The following RSRC1 variants were observed in gnomAD, a reference collection of about 807,000 sequenced individuals.
RSRC1 encodes the protein serine/Arginine-related protein 53.
In RSRC1, 39 loss-of-function variants were observed where a neutral mutation model predicts 49.1. The ratio of observed to expected loss-of-function variants is 0.79; its 90% CI spans 0.61 to 1.04. The LOEUF is 1.04. Ranked by LOEUF, RSRC1 falls within the 50% of genes least tolerant of loss-of-function variation. RSRC1 has a pLI of 0.00. For synonymous variants in RSRC1, 143 were observed against 130.8 expected, an observed-to-expected ratio of 1.09 and a Z score of -0.63; for missense variants, 388 against 402.4, an observed-to-expected ratio of 0.96 and a Z score of 0.31.
intron 4 of RSRC1, among the ~76,000 whole-genome samples, chr3:158,274,965 C>T (rs1725723938): frequency 6.6e-6 from 1 of 152,132 alleles, no homozygotes; most frequent in Admixed American, 6.5e-5. Flanking sequence ...AACTACTCCC[C>T]ACCCCCCAGC....
At chr3:158,236,790 G>T (rs1047225253) in intron 4 of RSRC1, among the ~76,000 whole-genome samples, 1 of 152,144 alleles carries the variant, frequency 6.6e-6, no homozygotes, top group Non-Finnish European at 1.5e-5. Context: ...AGACTGGGTG[G>T]TCTTGCATAT....
rs538024240 is a variant in RSRC1, at chr3:158,263,917, G to A, written c.495-34122G>A. Among the ~76,000 whole-genome samples the A allele has an allele frequency of 7.2e-5, 11 of 152,150 alleles. No homozygotes were observed. The South Asian group carries it at 2.3e-3, about 32-fold the overall frequency. On this transcript the variant is annotated intron_variant, in intron 4 of 9. Transcript: ENST00000611884. ...TTATTTCTTATATTAGTAATTTGTT[G>A]TTACTGCTTTTTTCTCATTAGTTTG...
chr3:158,321,223 A>C (rs7617666), intron 5 of RSRC1, among the ~76,000 whole-genome samples: 44,526 of 150,714 alleles, frequency 0.3, 7,013 homozygotes, highest in South Asian at 0.41. Flanking sequence ...TTATTTCTCT[A>C]TGCATGTTTT....
At chr3:158,276,753 C>T (rs965550261) in intron 4 of RSRC1, among the ~76,000 whole-genome samples, 4 of 152,074 alleles carry the variant, frequency 2.6e-5, no homozygotes, top group Admixed American at 6.6e-5. Context: ...TTAGATTTAG[C>T]TCTCCTTGTA....
At chr3:158,467,560 A>G (rs1737945850) in intron 7 of RSRC1, among the ~76,000 whole-genome samples, 1 of 152,180 alleles carries the variant, frequency 6.6e-6, no homozygotes. Context: ...TCACCATAGT[A>G]TGCACCTTTA....
chr3:158,231,276 C>T (rs1722934737), intron 4 of RSRC1, among the ~76,000 whole-genome samples: 1 of 149,618 alleles, frequency 6.7e-6, no homozygotes. Context: ...GCTGGGATTA[C>T]AGGTGCGTGC....
chr3:158,208,470 C>T (rs1364629705), intron 4 of RSRC1, among the ~76,000 whole-genome samples: 1 of 152,058 alleles, frequency 6.6e-6, no homozygotes, highest in Admixed American at 6.6e-5. Flanking sequence ...CTCCAGTGAT[C>T]CTCCCACCTT....
At chr3:158,311,386 A>G (rs534617009) in intron 5 of RSRC1, among the ~76,000 whole-genome samples, 2 of 152,096 alleles carry the variant, frequency 1.3e-5, no homozygotes, top group Non-Finnish European at 2.9e-5. Flanking sequence ...ATAAATATTT[A>G]TTATGAATAG....
chr3:158,495,627 G>T (rs1403322802), intron 7 of RSRC1, among the ~76,000 whole-genome samples: 1 of 152,138 alleles, frequency 6.6e-6, no homozygotes, highest in Non-Finnish European at 1.5e-5. Flanking sequence ...TTCTGATTAT[G>T]CACACACTGC....
chr3:158,219,293 T>G (rs1049741797), intron 4 of RSRC1, among the ~76,000 whole-genome samples: 2 of 151,600 alleles, frequency 1.3e-5, no homozygotes, highest in Non-Finnish European at 3.0e-5. Context: ...TTTTTTCTTT[T>G]GTTTTCTTTC....
intron 4 of RSRC1, among the ~76,000 whole-genome samples, chr3:158,265,322 C>T (rs779175114): frequency 1.3e-5 from 2 of 152,154 alleles, no homozygotes; most frequent in Non-Finnish European, 2.9e-5. Context: ...TGAACCAAAT[C>T]TTTTGCCCAT....
At chr3:158,117,810 T>TA (rs1356313967) in intron 1 of RSRC1, among the ~76,000 whole-genome samples, 1 of 152,186 alleles carries the variant, frequency 6.6e-6, no homozygotes, top group Admixed American at 6.5e-5. Flanking sequence ...CTTTTTTTTT[T>TA]ATAGAATGCG....
chr3:158,477,296 T>C (rs1738409065), intron 7 of RSRC1, among the ~76,000 whole-genome samples: 1 of 152,124 alleles, frequency 6.6e-6, no homozygotes, highest in Non-Finnish European at 1.5e-5. Context: ...AGTTCTACAA[T>C]AAATAAAATG....
At chr3:158,524,591 A>G (rs1297993385) in intron 7 of RSRC1, among the ~76,000 whole-genome samples, 5 of 152,068 alleles carry the variant, frequency 3.3e-5, no homozygotes, top group African/African-American at 9.7e-5. Flanking sequence ...GATCCTGTTC[A>G]GACATGTTAT....
At chr3:158,168,561 T>A (rs1481879585) in intron 3 of RSRC1, among the ~76,000 whole-genome samples, 3 of 152,218 alleles carry the variant, frequency 2.0e-5, no homozygotes, top group Admixed American at 1.3e-4. Context: ...ATAGATTTTT[T>A]AAAAAACACT....
intron 6 of RSRC1, among the ~76,000 whole-genome samples, chr3:158,443,312 CTG>C (rs1256016707): frequency 1.3e-5 from 2 of 152,156 alleles, no homozygotes; most frequent in African/African-American, 4.8e-5. Flanking sequence ...CATTGAAAAT[CTG>C]TCATTTAGCG....
intron 3 of RSRC1, among the ~76,000 whole-genome samples, chr3:158,192,199 T>C: frequency 6.6e-6 from 1 of 152,184 alleles, no homozygotes; most frequent in East Asian, 1.9e-4. Context: ...TAGCTTATTC[T>C]GTGCATACTG....
chr3:158,299,787 G>A (rs1281764996), intron 5 of RSRC1, among the ~76,000 whole-genome samples: 1 of 114,960 alleles, frequency 8.7e-6, no homozygotes, highest in Non-Finnish European at 1.8e-5. Flanking sequence ...CATTTTCAGT[G>A]ACTATTTCAC....
intron 3 of RSRC1, among the ~76,000 whole-genome samples, chr3:158,130,420 T>A (rs9290021): frequency 0.68 from 103,752 of 152,102 alleles, 35,713 homozygotes; most frequent in East Asian, 0.83. Flanking sequence ...TTATTTTCCA[T>A]TTATTTGTTG....
Sources: allele counts gnomAD v4.1 joint callset (sites outside exome capture counted in the v4.1 genomes callset), GRCh38; gene constraint gnomAD v4.1.1; transcripts MANE v1.5; gene names NCBI Gene and HGNC (gene_info 2026-07-23, HGNC 2026-07-21).